PGM2L1: variants seen among roughly 807,000 people sequenced by gnomAD.
PGM2L1 encodes the protein glucose 1,6-bisphosphate synthase.
Under a neutral mutation model 73.4 loss-of-function variants are expected in PGM2L1, and 35 were observed. That is an observed-to-expected ratio of 0.48 (90% CI 0.36 to 0.63). The LOEUF is 0.63. PGM2L1 is among the 30% of genes least tolerant of loss of function. The probability of loss-of-function intolerance (pLI) is 0.00; values close to 1 mark genes in which losing one functional copy is unlikely to be tolerated. For synonymous variants in PGM2L1, 225 were observed against 253.8 expected (o/e 0.89, Z 1.08); for missense variants, 570 against 742.0 (o/e 0.77, Z 2.69).
intron 2 of PGM2L1, 106 bp downstream of exon 2, chr11:74,374,309 C>G (rs1029691420): frequency 1.3e-5 from 12 of 942,738 alleles, no homozygotes; most frequent in East Asian, 5.4e-5. Flanking sequence ...ATCTCGATCT[C>G]TGGACCTCGT....
At chr11:74,365,244 C>T (rs1862636723) in intron 5 of PGM2L1, among the ~76,000 whole-genome samples, 1 of 152,170 alleles carries the variant, frequency 6.6e-6, no homozygotes, top group South Asian at 2.1e-4. Flanking sequence ...AAATGTTAGA[C>T]CTAAAACCGT....
At chr11:74,366,258 T>C (rs1371462878) in intron 5 of PGM2L1, among the ~76,000 whole-genome samples, 2 of 151,060 alleles carry the variant, frequency 1.3e-5, no homozygotes, top group African/African-American at 4.9e-5. Flanking sequence ...ATATACCCAA[T>C]GTAAATGATG....
intron 1 of PGM2L1, among the ~76,000 whole-genome samples, chr11:74,393,827 C>A (rs909392566): frequency 6.6e-6 from 1 of 152,178 alleles, no homozygotes; most frequent in Non-Finnish European, 1.5e-5. Context: ...CTGACCCCAT[C>A]CACTTTGCCA....
intron 1 of PGM2L1, among the ~76,000 whole-genome samples, chr11:74,394,590 G>A (rs1863146564): frequency 6.6e-6 from 1 of 152,098 alleles, no homozygotes; most frequent in Non-Finnish European, 1.5e-5. Context: ...GCCCTTCTAT[G>A]ACCTGGTCTT....
intron 1 of PGM2L1, among the ~76,000 whole-genome samples, chr11:74,384,414 T>C (rs1385131880): frequency 6.6e-6 from 1 of 152,092 alleles, no homozygotes; most frequent in Non-Finnish European, 1.5e-5. Flanking sequence ...TTCTTGATCT[T>C]GACAATCTTA....
At position 74,332,466 on chromosome 11, in the gene PGM2L1, T is replaced by C. The variant is rs1024732149; in HGVS notation, c.*4186A>G. On this transcript the variant is annotated 3_prime_UTR_variant, in exon 14 of 14. Coordinates refer to ENST00000298198, the MANE Select transcript of PGM2L1 (RefSeq NM_173582.6). ...AGGCAAATGTAGTTTATGACTAAGC[T>C]TAAAGCATTCTGAATGAATACAGTT... The C allele has an allele frequency of 6.6e-6, 1 of 152,620 alleles. No homozygotes were observed. The highest frequency in any genetic ancestry group is 2.4e-5 in the African/African-American group (1 of 41,448). The allele number at this position is 152,620 out of a possible 1,614,324, so 9.5% of individuals were successfully genotyped here.
At chr11:74,387,551 G>A (rs1193478835) in intron 1 of PGM2L1, among the ~76,000 whole-genome samples, 5 of 152,088 alleles carry the variant, frequency 3.3e-5, no homozygotes, top group African/African-American at 1.2e-4. Context: ...GTTTCTGCAT[G>A]CCTCCTGCTC....
At position 74,332,316 on chromosome 11, in the gene PGM2L1, C is replaced by T. The variant is rs1010459210; in HGVS notation, c.*4336G>A. 2.6e-5 allele frequency: 4 copies of T among 152,026 alleles called. No individual in the cohort carries two copies. The highest frequency in any genetic ancestry group is 4.2e-4 in the South Asian group (2 of 4,798). The allele number at this position is 152,026 out of a possible 1,614,324, so 9.4% of individuals were successfully genotyped here. A position where few individuals can be genotyped will look rare whatever the true frequency, so the allele number is the denominator to read the frequency against. On this transcript the variant is annotated 3_prime_UTR_variant, in exon 14 of 14. Transcript: ENST00000298198. Reference sequence around the variant, plus strand: ...AGATGACAAGTGAATTGTAAAAGGCCGTAATAAATTAACATATAGCAGTAT... The same window carrying T: ...AGATGACAAGTGAATTGTAAAAGGCTGTAATAAATTAACATATAGCAGTAT...
intron 1 of PGM2L1, among the ~76,000 whole-genome samples, chr11:74,393,518 A>G (rs554418875): frequency 7.9e-5 from 12 of 152,228 alleles, no homozygotes; most frequent in African/African-American, 2.2e-4. Context: ...GTGACATTGG[A>G]AAAAAAACTT....
intron 1 of PGM2L1, among the ~76,000 whole-genome samples, chr11:74,387,442 T>C (rs1324424380): frequency 2.6e-5 from 4 of 152,200 alleles, no homozygotes; most frequent in Non-Finnish European, 5.9e-5. Flanking sequence ...AAGTACCATG[T>C]CTGGTACATG....
chr11:74,379,566 A>G (rs1249199949), intron 1 of PGM2L1, among the ~76,000 whole-genome samples: 3 of 152,164 alleles, frequency 2.0e-5, no homozygotes, highest in Non-Finnish European at 2.9e-5. Context: ...AATACACTCA[A>G]AAACATGAAT....
chr11:74,370,174 A>T (rs149875870), intron 4 of PGM2L1, among the ~76,000 whole-genome samples: 1 of 152,266 alleles, frequency 6.6e-6, no homozygotes, highest in Non-Finnish European at 1.5e-5. Flanking sequence ...ATACATTTTT[A>T]ACCAAGAGTA....
chr11:74,352,285 A>C (rs926965611), intron 5 of PGM2L1, among the ~76,000 whole-genome samples: 1 of 152,156 alleles, frequency 6.6e-6, no homozygotes, highest in African/African-American at 2.4e-5. Flanking sequence ...CTAAAACTTG[A>C]TACTATTTAA....
chr11:74,359,391 C>T (rs1196471263), intron 5 of PGM2L1, among the ~76,000 whole-genome samples: 1 of 151,922 alleles, frequency 6.6e-6, no homozygotes, highest in Non-Finnish European at 1.5e-5. Context: ...TACTTCTGAG[C>T]TTCTCCAAAA....
intron 1 of PGM2L1, among the ~76,000 whole-genome samples, chr11:74,392,444 A>T (rs1411688411): frequency 9.2e-5 from 14 of 152,106 alleles, no homozygotes; most frequent in Non-Finnish European, 1.8e-4. Context: ...GTTGCCAAGG[A>T]GACCAAAGCA....
chr11:74,351,977 TAA>T (rs3028686), intron 5 of PGM2L1, among the ~76,000 whole-genome samples: 74,579 of 141,778 alleles, frequency 0.53, 21,746 homozygotes, highest in East Asian at 0.79. Flanking sequence ...AAAAAATAAA[TAA>T]AAATAAAAAT....
intron 5 of PGM2L1, among the ~76,000 whole-genome samples, chr11:74,359,370 GGA>G (rs1862516064): frequency 6.6e-6 from 1 of 151,764 alleles, no homozygotes; most frequent in Non-Finnish European, 1.5e-5. Flanking sequence ...CTCTGACAGA[GGA>G]GCCCTCTCTA....
In PGM2L1 at chr11:74,351,543, G is replaced by A; in HGVS notation, c.589C>T (p.Pro197Ser). Reference sequence around the variant, plus strand: ...CATTTTAGAATTTCTTTATCATGAGGAGATGTGATCTGAGCACCAGTTTCC... The same window carrying A: ...CATTTTAGAATTTCTTTATCATGAGAAGATGTGATCTGAGCACCAGTTTCC... ...YWETGAQITS[P>S]HDKEILKCIE... Residue 197 changes from proline to serine, a missense_variant, in exon 6 of 14, where the codon CCT becomes TCT. Transcript: ENST00000298198. 1 of 1,612,262 alleles carries A rather than the reference G, an allele frequency of 6.2e-7. No individual in the cohort carries two copies. Among genetic ancestry groups the A allele is most frequent in the Non-Finnish European group, 8.5e-7 (1 of 1,179,426 alleles).
At chr11:74,338,298 G>A (rs1333348576) in intron 13 of PGM2L1, among the ~76,000 whole-genome samples, 170 bp downstream of exon 13, 1 of 152,184 alleles carries the variant, frequency 6.6e-6, no homozygotes, top group Non-Finnish European at 1.5e-5. Context: ...ATGGCTACGG[G>A]CTTTTGGGGG....
Sources: gnomAD v4.1 joint callset for allele counts (sites outside exome capture counted in the v4.1 genomes callset) on GRCh38, gnomAD v4.1.1 for gene constraint, MANE v1.5 for transcripts, NCBI Gene and HGNC (gene_info 2026-07-23, HGNC 2026-07-21) for gene names.